The following TMC3 variants were observed in gnomAD, a reference collection of about 807,000 sequenced individuals.
TMC3 encodes transmembrane channel like 3.
TMC3 carries 98 observed loss-of-function variants against 110.6 expected under a neutral mutation model. The ratio of observed to expected loss-of-function variants is 0.89; its 90% CI spans 0.75 to 1.05. TMC3 has a LOEUF of 1.05. Among genes scored for constraint, TMC3 ranks in the 50% least tolerant of loss-of-function variants. The probability of loss-of-function intolerance (pLI) is 0.00; values close to 1 mark genes in which losing one functional copy is unlikely to be tolerated. For missense variants in TMC3, 1,319 were observed against 1,373.2 expected (o/e 0.96, Z 0.62); for synonymous variants, 489 against 513.1 (o/e 0.95, Z 0.63).
rs752147362 is a variant in TMC3, at chr15:81,338,691, C to A, written c.2045G>T (p.Ser682Ile). 6.2e-7 allele frequency: 1 copy of A among 1,614,010 alleles called. No individual in the cohort carries two copies. The highest frequency in any genetic ancestry group is 1.1e-5 in the South Asian group (1 of 91,084). ...WFGSVVGHIS[S>I]PVVILPAVLL... ...TACTGCGGGCAGGATGACCACGGGGCTACTGATGTGTCCAACCACGGAGCC... is the reference window on the plus strand; with the variant it reads ...TACTGCGGGCAGGATGACCACGGGGATACTGATGTGTCCAACCACGGAGCC... The change falls in exon 18 of 22, where the codon AGC becomes ATC. Residue 682 changes from serine (S) to isoleucine (I), a missense_variant. Ser to Ile is a moderately radical substitution (Grantham distance 142). Coordinates refer to ENST00000359440, the MANE Select transcript of TMC3 (RefSeq NM_001080532.3).
intron 4 of TMC3, among the ~76,000 whole-genome samples, chr15:81,360,093 T>C (rs1894154078): frequency 6.6e-6 from 1 of 151,990 alleles, no homozygotes; most frequent in Admixed American, 6.6e-5. Flanking sequence ...GAGTAGGTAG[T>C]TTTATGTCAT....
In TMC3 at chr15:81,338,726, A is replaced by C; in HGVS notation, c.2010T>G (p.Pro670=). The C allele has an allele frequency of 6.2e-7, 1 of 1,614,026 alleles. No homozygotes were observed. The change falls in exon 18 of 22, where the codon CCT becomes CCG. Residue 670 remains proline (P), a synonymous_variant. Coordinates refer to ENST00000359440, the MANE Select transcript of TMC3 (RefSeq NM_001080532.3). The part of the protein sequence containing the change: ...IVSETIEKDF[P]VWFGSVVGHI... ...GTCCAACCACGGAGCCAAACCACAC[A>C]GGAAAGTCTTTCTCAATCGTTTCTG...
At chr15:81,371,672 A>G (rs1166031605) in intron 2 of TMC3, among the ~76,000 whole-genome samples, 2 of 152,228 alleles carry the variant, frequency 1.3e-5, no homozygotes, top group Non-Finnish European at 2.9e-5. Context: ...TACCAGATAC[A>G]ATGCTAAGCA....
rs1454135092 is a variant in TMC3 at position 81,338,775 on chromosome 15, T to G, written c.1961A>C (p.Gln654Pro). ...PSLNCGPFSG[Q>P]EKIYDIVSET... ...TGACACAATGTCATAAATTTTCTCTTGTCCACTGTGAGAAAGAAAAACATA... is the reference window on the plus strand; with the variant it reads ...TGACACAATGTCATAAATTTTCTCTGGTCCACTGTGAGAAAGAAAAACATA... The change falls in exon 18 of 22, where the codon CAA becomes CCA. Residue 654 changes from glutamine (Q) to proline (P), a missense_variant. Coordinates refer to ENST00000359440, the MANE Select transcript of TMC3 (RefSeq NM_001080532.3). 1 of 1,613,668 alleles carries G rather than the reference T, an allele frequency of 6.2e-7. No individual in the cohort carries two copies. The highest frequency in any genetic ancestry group is 8.5e-7 in the Non-Finnish European group (1 of 1,179,736).
chr15:81,343,231 G>A (rs759570878), intron 15 of TMC3, 47 bp downstream of exon 15: 2 of 1,214,780 alleles, frequency 1.6e-6, no homozygotes, highest in South Asian at 2.4e-5. Flanking sequence ...TAAAATCTTA[G>A]CCCAGATGAG....
chr15:81,370,812 C>T (rs1234447452), intron 2 of TMC3, among the ~76,000 whole-genome samples: 3 of 151,738 alleles, frequency 2.0e-5, no homozygotes, highest in Non-Finnish European at 4.4e-5. Flanking sequence ...ATAGCTGGGA[C>T]TACAGGTGCC....
At chr15:81,338,019 G>C (rs990517657) in intron 18 of TMC3, 95 bp from the exon 19 acceptor site, 12 of 992,600 alleles carry the variant, frequency 1.2e-5, no homozygotes, top group Non-Finnish European at 1.9e-5. Context: ...GGAATGAGAG[G>C]CTCCCAGGCC....
chr15:81,360,694 C>T (rs911185483), intron 4 of TMC3, among the ~76,000 whole-genome samples: 29 of 152,160 alleles, frequency 1.9e-4, no homozygotes, highest in African/African-American at 6.3e-4. Flanking sequence ...AGTTCTGCAG[C>T]ATGAATTGCA....
At chr15:81,343,160 C>T (rs1305445559) in intron 15 of TMC3, 118 bp downstream of exon 15, 5 of 566,192 alleles carry the variant, frequency 8.8e-6, no homozygotes, top group Non-Finnish European at 1.3e-5. Context: ...ATCTTGGAAA[C>T]ATCCCTTCTT....
At chr15:81,355,326 A>G (rs1894035840) in intron 9 of TMC3, among the ~76,000 whole-genome samples, 1 of 152,198 alleles carries the variant, frequency 6.6e-6, no homozygotes, top group Admixed American at 6.5e-5. Flanking sequence ...CAAGATCTTG[A>G]GAAGAATCTT....
At chr15:81,369,348 C>T (rs1260664906) in intron 2 of TMC3, among the ~76,000 whole-genome samples, 4 of 151,954 alleles carry the variant, frequency 2.6e-5, no homozygotes, top group Non-Finnish European at 4.4e-5. Flanking sequence ...ACCATTGCAA[C>T]GTCTCCATCT....
intron 9 of TMC3, among the ~76,000 whole-genome samples, chr15:81,352,112 A>T (rs1893965232): frequency 1.3e-5 from 2 of 152,226 alleles, no homozygotes. Flanking sequence ...TTTTAGAGTC[A>T]GAGTATTTGG....
chr15:81,334,982 G>A lies in TMC3; in HGVS notation c.2204-7C>T. ...TCCTGGGTCTGGATTCGGGCTGCAGGGAGAGGGAGGTGTTGTGAGAAGACA... is the reference window on the plus strand; with the variant it reads ...TCCTGGGTCTGGATTCGGGCTGCAGAGAGAGGGAGGTGTTGTGAGAAGACA... On this transcript the variant is annotated splice_polypyrimidine_tract_variant and splice_region_variant and intron_variant, in intron 20 of 21. Transcript: ENST00000359440. The A allele has an allele frequency of 6.2e-7, 1 of 1,612,692 alleles. No individual in the cohort carries two copies. Among genetic ancestry groups the A allele is most frequent in the Non-Finnish European group, 8.5e-7 (1 of 1,178,794 alleles).
chr15:81,358,650 T>C, intron 5 of TMC3, 150 bp from the exon 6 acceptor site: 2 of 659,610 alleles, frequency 3.0e-6, no homozygotes, highest in Non-Finnish European at 5.0e-6. Context: ...TAATGAAAAA[T>C]TAATCTTGGG....
intron 2 of TMC3, among the ~76,000 whole-genome samples, chr15:81,368,977 GT>G (rs1392057616): frequency 6.6e-6 from 1 of 152,110 alleles, no homozygotes; most frequent in East Asian, 1.9e-4. Context: ...GAAAATAAAT[GT>G]TAGTGCCATG....
chr15:81,332,758 C>G lies in TMC3; in HGVS notation c.2964G>C (p.Gln988His). 1 of 1,612,902 alleles carries G rather than the reference C, an allele frequency of 6.2e-7. No individual in the cohort carries two copies. The highest frequency in any genetic ancestry group is 8.5e-7 in the Non-Finnish European group (1 of 1,179,492). ...SESQTRDPEH[Q>H]GRVHYKSWNE... ...TCCACGACTTGTAGTGCACCCTCCC[C>G]TGGTGCTCGGGATCCCGGGTCTGAC... is the stretch of plus-strand genomic sequence containing the variant. The change falls in exon 22 of 22, where the codon CAG (glutamine) becomes CAC (histidine). Residue 988 changes from glutamine (Q) to histidine (H), a missense_variant. By Grantham distance (24) the Gln-to-His change is conservative (BLOSUM62 0). Coordinates refer to ENST00000359440, the MANE Select transcript of TMC3 (RefSeq NM_001080532.3).
chr15:81,348,976 C>A (rs4778642), intron 11 of TMC3, among the ~76,000 whole-genome samples: 23 of 152,290 alleles, frequency 1.5e-4, no homozygotes, highest in African/African-American at 4.8e-4. Flanking sequence ...CCACGCCCAG[C>A]TATTTTTTAA....
At chr15:81,364,308 A>C (rs995195805) in intron 3 of TMC3, among the ~76,000 whole-genome samples, 1 of 152,142 alleles carries the variant, frequency 6.6e-6, no homozygotes. Context: ...CTTAAAGGAA[A>C]ATGTGATTGA....
chr15:81,340,123 C>T (rs976098958), intron 16 of TMC3, among the ~76,000 whole-genome samples: 2 of 152,166 alleles, frequency 1.3e-5, no homozygotes, highest in African/African-American at 2.4e-5. Flanking sequence ...GTTTGGTGTG[C>T]AAGGCCCTGT....
Sources: gnomAD v4.1 joint callset for allele counts (sites outside exome capture counted in the v4.1 genomes callset) on GRCh38, gnomAD v4.1.1 for gene constraint, MANE v1.5 for transcripts, NCBI Gene and HGNC (gene_info 2026-07-23, HGNC 2026-07-21) for gene names.